ACTR3C: variants seen among roughly 807,000 people sequenced by gnomAD.
ACTR3C encodes the protein actin-related protein 3C.
In ACTR3C, 18 loss-of-function variants were observed where a neutral mutation model predicts 26.3. The ratio of observed to expected loss-of-function variants is 0.68; its 90% CI spans 0.47 to 1.01. The LOEUF (loss-of-function observed/expected upper bound fraction) is 1.01. Ranked by LOEUF, ACTR3C falls within the 50% of genes least tolerant of loss-of-function variation. ACTR3C has a pLI of 0.00. For synonymous variants in ACTR3C, 55 were observed against 94.5 expected (o/e 0.58, Z 2.42); for missense variants, 184 against 250.7 (o/e 0.73, Z 1.80).
At chr7:150,193,942 C>T in the ACTR3C span, among the ~76,000 whole-genome samples, 1 of 148,238 alleles carries the variant, frequency 6.7e-6, no homozygotes, top group African/African-American at 2.5e-5. Context: ...AATATTATGC[C>T]TGCTTTAAAA....
the ACTR3C span, among the ~76,000 whole-genome samples, chr7:150,130,477 T>C: frequency 6.6e-6 from 1 of 152,190 alleles, no homozygotes. Flanking sequence ...AGGAAGGCAA[T>C]GTCCAATAAT....
chr7:150,079,110 A>T, the ACTR3C span, among the ~76,000 whole-genome samples: 1 of 152,030 alleles, frequency 6.6e-6, no homozygotes, highest in African/African-American at 2.4e-5. Flanking sequence ...TCCCATTTTT[A>T]TGTGAAAATG....
At chr7:150,071,714 T>G in the ACTR3C span, among the ~76,000 whole-genome samples, 2 of 150,242 alleles carry the variant, frequency 1.3e-5, no homozygotes, top group Admixed American at 1.3e-4. Context: ...GCTCAGAGCT[T>G]GGAAGAGGAA....
downstream of ACTR3C, among the ~76,000 whole-genome samples, chr7:150,242,644 T>C (rs1308742525): frequency 1.3e-5 from 2 of 152,242 alleles, no homozygotes; most frequent in African/African-American, 4.8e-5. Context: ...ATGTGTAGTA[T>C]GATCTGATGT....
chr7:150,153,261 A>T, the ACTR3C span, among the ~76,000 whole-genome samples: 6 of 152,188 alleles, frequency 3.9e-5, 1 homozygote, highest in Admixed American at 2.0e-4. Flanking sequence ...ACAGCAAAAG[A>T]AACTACCATC....
chr7:149,912,270 C>T, the ACTR3C span, among the ~76,000 whole-genome samples: 3 of 151,916 alleles, frequency 2.0e-5, no homozygotes, highest in Non-Finnish European at 4.4e-5. Context: ...GGTCAGACTA[C>T]AAAAACAGAC....
At chr7:150,038,678 T>G in the ACTR3C span, among the ~76,000 whole-genome samples, 1 of 144,276 alleles carries the variant, frequency 6.9e-6, no homozygotes, top group Non-Finnish European at 1.5e-5. Context: ...AGATTTGAAC[T>G]TTCTACTTGG....
chr7:150,065,901 G>T, the ACTR3C span, among the ~76,000 whole-genome samples: 86 of 150,986 alleles, frequency 5.7e-4, no homozygotes, highest in East Asian at 0.016. Context: ...TGATAGAAGG[G>T]AAGAAGATGG....
At chr7:150,279,215 G>A (rs1288416481) in intron 6 of ACTR3C, among the ~76,000 whole-genome samples, 4 of 152,132 alleles carry the variant, frequency 2.6e-5, no homozygotes, top group African/African-American at 9.7e-5. Context: ...TGAGGTGGGA[G>A]GACTGCTTGA....
chr7:150,284,685 G>A (rs143645753), intron 6 of ACTR3C, 68 bp downstream of exon 6: 52,880 of 1,311,154 alleles, frequency 0.04, 2,266 homozygotes, highest in South Asian at 0.16. Flanking sequence ...CAGTAATACC[G>A]TCTTCTAAGA....
At chr7:150,039,371 C>T in the ACTR3C span, among the ~76,000 whole-genome samples, 81 of 96,188 alleles carry the variant, frequency 8.4e-4, no homozygotes, top group East Asian at 4.4e-3. Context: ...CCCCCTCCTG[C>T]GATGGGGGTC....
the ACTR3C span, among the ~76,000 whole-genome samples, chr7:149,920,343 G>T: frequency 2.0e-5 from 3 of 151,598 alleles, no homozygotes; most frequent in African/African-American, 7.2e-5. Flanking sequence ...GTCTCGCTTT[G>T]TCACCCAGGC....
the ACTR3C span, among the ~76,000 whole-genome samples, chr7:150,192,589 A>G: frequency 1.3e-5 from 2 of 152,326 alleles, no homozygotes; most frequent in East Asian, 1.9e-4. Flanking sequence ...GGCATGAGCC[A>G]TCATACCTGG....
the ACTR3C span, among the ~76,000 whole-genome samples, chr7:150,028,575 G>A: frequency 1.3e-5 from 2 of 152,300 alleles, no homozygotes; most frequent in Non-Finnish European, 2.9e-5. Context: ...GGCTGATCCC[G>A]TGGGCACCTG....
chr7:150,281,136 G>A (rs2530920), intron 6 of ACTR3C, among the ~76,000 whole-genome samples: 21 of 152,194 alleles, frequency 1.4e-4, no homozygotes, highest in South Asian at 4.1e-4. Flanking sequence ...CTGGAGAGAG[G>A]GCGTCTTACC....
the ACTR3C span, among the ~76,000 whole-genome samples, chr7:150,064,018 G>A: frequency 1.3e-5 from 2 of 151,888 alleles, no homozygotes; most frequent in East Asian, 1.9e-4. Context: ...GGTAAAATGC[G>A]AAGTGGTCCA....
chr7:150,255,242 A>ATTTTTTTTTTTTTTTTTTTTTTTTT (rs745713614), intron 6 of ACTR3C, among the ~76,000 whole-genome samples: 1 of 85,602 alleles, frequency 1.2e-5, no homozygotes, highest in Non-Finnish European at 2.3e-5. Context: ...TTTGTAGGGG[A>ATTTTTTTTTTTTTTTTTTTTTTTTT]TTTTTTTTTT....
the ACTR3C span, among the ~76,000 whole-genome samples, chr7:150,037,041 A>T: frequency 1.0e-5 from 1 of 96,096 alleles, no homozygotes; most frequent in African/African-American, 3.8e-5. Context: ...GGAAGAGGGG[A>T]TAGCTCTCAG....
At chr7:150,023,132 T>C in the ACTR3C span, among the ~76,000 whole-genome samples, 2 of 143,640 alleles carry the variant, frequency 1.4e-5, no homozygotes, top group African/African-American at 5.1e-5. Flanking sequence ...CATATCTATA[T>C]ACATATATAT....
Sources: gnomAD v4.1 joint callset for allele counts (sites outside exome capture counted in the v4.1 genomes callset) on GRCh38, gnomAD v4.1.1 for gene constraint, MANE v1.5 for transcripts, NCBI Gene and HGNC (gene_info 2026-07-23, HGNC 2026-07-21) for gene names.